The following CEP70 variants were observed in gnomAD, a reference collection of about 807,000 sequenced individuals.
The protein encoded by CEP70 is centrosomal protein of 70 kDa.
Under a neutral mutation model 90.9 loss-of-function variants are expected in CEP70, and 70 were observed. The observed-to-expected ratio is 0.77, with a 90% CI of 0.64 to 0.94. The LOEUF (loss-of-function observed/expected upper bound fraction) is 0.94, where lower values mean the gene tolerates loss of function less well. Among genes scored for constraint, CEP70 ranks in the 40% least tolerant of loss-of-function variants. CEP70 has a pLI of 0.00. For synonymous variants in CEP70, 220 were observed against 228.3 expected (o/e 0.96, Z 0.33); for missense variants, 648 against 669.0 (o/e 0.97, Z 0.35).
chr3:138,541,350 C>A (rs150074413), intron 6 of CEP70, among the ~76,000 whole-genome samples: 303 of 151,002 alleles, frequency 2.0e-3, no homozygotes, highest in African/African-American at 7.0e-3. Flanking sequence ...GAATCCTCAG[C>A]AGAAAGCATA....
chr3:138,557,969 T>G (rs1418020695), intron 6 of CEP70, among the ~76,000 whole-genome samples: 1 of 152,160 alleles, frequency 6.6e-6, no homozygotes, highest in Non-Finnish European at 1.5e-5. Flanking sequence ...TCAGACCAAT[T>G]ATCTTACTGA....
chr3:138,544,669 A>G (rs1318667331), intron 6 of CEP70, among the ~76,000 whole-genome samples: 1 of 152,162 alleles, frequency 6.6e-6, no homozygotes, highest in East Asian at 1.9e-4. Context: ...GTGTCCATCA[A>G]TGGATGACTG....
At chr3:138,527,249 T>C (rs898802193) in intron 10 of CEP70, among the ~76,000 whole-genome samples, 3 of 133,674 alleles carry the variant, frequency 2.2e-5, no homozygotes, top group African/African-American at 9.6e-5. Flanking sequence ...CACTGCAGCC[T>C]TGACCTCCTG....
At chr3:138,547,978 G>A (rs2039340564) in intron 6 of CEP70, among the ~76,000 whole-genome samples, 1 of 152,096 alleles carries the variant, frequency 6.6e-6, no homozygotes, top group Non-Finnish European at 1.5e-5. Flanking sequence ...GGATGAGGGG[G>A]AACTACTGTA....
In CEP70 at chr3:138,495,007, ATTTGT is replaced by A. The variant is rs10593783; in HGVS notation, c.*3_*7del. The A allele has an allele frequency of 0.23, 326,216 of 1,407,618 alleles. 40,059 individuals are homozygous for A. The highest frequency in any genetic ancestry group is 0.37 in the African/African-American group (25,634 of 70,092). 87.2% of individuals were successfully genotyped at this position (1,407,618 alleles called of 1,614,324 possible). A position where few individuals can be genotyped will look rare whatever the true frequency, so the allele number is the denominator to read the frequency against. ...CAATTTACACAGTAAAAATGATTTG[ATTTGT>A]TTTCAGTATGAAAGTACTTTTAATT... On this transcript the variant is annotated 3_prime_UTR_variant, in exon 18 of 18. Transcript: ENST00000264982.
chr3:138,550,493 A>G (rs1354787838), intron 6 of CEP70, among the ~76,000 whole-genome samples: 1 of 152,088 alleles, frequency 6.6e-6, no homozygotes, highest in Non-Finnish European at 1.5e-5. Context: ...CCTCCTGAGT[A>G]GCTGGGATTA....
At chr3:138,583,289 C>T (rs1181154729) in intron 2 of CEP70, among the ~76,000 whole-genome samples, 1 of 152,132 alleles carries the variant, frequency 6.6e-6, no homozygotes, top group Non-Finnish European at 1.5e-5. Context: ...ATACACCCAA[C>T]ATTGGAGTAC....
At chr3:138,572,010 C>G (rs755394735) in intron 3 of CEP70, among the ~76,000 whole-genome samples, 1 of 152,146 alleles carries the variant, frequency 6.6e-6, no homozygotes. Flanking sequence ...GATCTCCTGA[C>G]CTGGTGATCC....
intron 3 of CEP70, among the ~76,000 whole-genome samples, chr3:138,571,647 A>C (rs529823260): frequency 5.3e-5 from 8 of 152,340 alleles, no homozygotes; most frequent in African/African-American, 1.9e-4. Context: ...AATTTCAGTG[A>C]ATCAAATAAA....
chr3:138,542,354 G>T (rs1433555497), intron 6 of CEP70, among the ~76,000 whole-genome samples: 5 of 152,208 alleles, frequency 3.3e-5, no homozygotes, highest in Non-Finnish European at 7.3e-5. Context: ...GCCCAAAGAG[G>T]GTGTTAGAGT....
intron 2 of CEP70, among the ~76,000 whole-genome samples, chr3:138,584,602 G>T (rs755085862): frequency 5.1e-4 from 78 of 151,946 alleles, no homozygotes; most frequent in Non-Finnish European, 1.5e-4. Flanking sequence ...TCATCAACAA[G>T]TGGGATTTAT....
At chr3:138,558,231 G>A (rs1027701458) in intron 6 of CEP70, among the ~76,000 whole-genome samples, 1 of 152,234 alleles carries the variant, frequency 6.6e-6, no homozygotes, top group East Asian at 1.9e-4. Context: ...TGGGCGTGCT[G>A]GTGCACACCT....
chr3:138,542,446 G>A (rs629884), intron 6 of CEP70, among the ~76,000 whole-genome samples: 59,620 of 152,098 alleles, frequency 0.39, 12,308 homozygotes, highest in Non-Finnish European at 0.45. Flanking sequence ...CACCCGCAGC[G>A]CAGCAAGTCG....
At chr3:138,525,694 C>A (rs190023105) in intron 10 of CEP70, 130 bp from the exon 11 acceptor site, 163 of 372,108 alleles carry the variant, frequency 4.4e-4, no homozygotes, top group African/African-American at 3.2e-3. Flanking sequence ...GAAAATATTT[C>A]ATGACTGCTA....
intron 7 of CEP70, 32 bp from the exon 8 acceptor site, chr3:138,532,602 A>C: frequency 7.1e-7 from 1 of 1,411,236 alleles, no homozygotes; most frequent in African/African-American, 1.7e-5. Context: ...TATTTTCAAA[A>C]TGCGGTATGG....
rs2041265185 is a variant in CEP70 at position 138,572,788 on chromosome 3, T to C, written c.69+71A>G. On this transcript the variant is annotated intron_variant, in intron 3 of 17. Coordinates refer to ENST00000264982, the MANE Select transcript of CEP70 (RefSeq NM_024491.4). Reference sequence around the variant, plus strand: ...AAAGAATCCTTTTAAAGTCAAATTTTCCTGTTTGTAGATGTAGCATTCTTT... The same window carrying C: ...AAAGAATCCTTTTAAAGTCAAATTTCCCTGTTTGTAGATGTAGCATTCTTT... The C allele has an allele frequency of 1.5e-5, 15 of 981,584 alleles. No homozygotes were observed. In the East Asian group the frequency reaches 3.1e-4, roughly 20 times the overall value. The allele number at this position is 981,584 out of a possible 1,614,324, so 60.8% of individuals were successfully genotyped here. A position where few individuals can be genotyped will look rare whatever the true frequency, so the allele number is the denominator to read the frequency against.
chr3:138,535,075 C>G (rs1222294683), intron 7 of CEP70, among the ~76,000 whole-genome samples: 2 of 152,142 alleles, frequency 1.3e-5, no homozygotes, highest in African/African-American at 2.4e-5. Context: ...TCAAACTCTT[C>G]GGCCAATTTA....
chr3:138,532,214 C>G (rs2037889395), intron 8 of CEP70, among the ~76,000 whole-genome samples: 1 of 152,082 alleles, frequency 6.6e-6, no homozygotes, highest in Non-Finnish European at 1.5e-5. Flanking sequence ...GGTAACTACC[C>G]AGGGGCTAGA....
At chr3:138,571,686 A>T (rs1003262958) in intron 3 of CEP70, among the ~76,000 whole-genome samples, 1 of 152,190 alleles carries the variant, frequency 6.6e-6, no homozygotes, top group Non-Finnish European at 1.5e-5. Flanking sequence ...ACTAAGCCAA[A>T]CCAAGCCCTG....
Sources: gnomAD v4.1 joint callset for allele counts (sites outside exome capture counted in the v4.1 genomes callset) on GRCh38, gnomAD v4.1.1 for gene constraint, MANE v1.5 for transcripts, NCBI Gene and HGNC (gene_info 2026-07-23, HGNC 2026-07-21) for gene names.